The following ATM variants were observed in gnomAD, a reference collection of about 807,000 sequenced individuals.
The protein encoded by ATM is serine-protein kinase ATM.
A neutral mutation model predicts 387.0 loss-of-function variants in ATM; 308 were observed. That is an observed-to-expected ratio of 0.80 (90% confidence interval 0.73 to 0.87). The LOEUF is 0.87. Ranked by LOEUF, ATM falls within the 40% of genes least tolerant of loss-of-function variation. The pLI is 0.00. For missense variants in ATM, 3,312 were observed against 3,560.9 expected (o/e 0.93, Z 1.78); for synonymous variants, 1,156 against 1,187.3 (o/e 0.97, Z 0.54).
intron 46 of ATM, 90 bp from the exon 47 acceptor site, chr11:108,325,968 A>G (rs1251554241): frequency 2.0e-6 from 3 of 1,472,364 alleles, no homozygotes; most frequent in Non-Finnish European, 1.9e-6. Flanking sequence ...TCCTCAATGA[A>G]TGGTAGTTGC....
rs192812066 is a variant in ATM at position 108,333,373 on chromosome 11, T to C, written c.7927+473T>C. Reference sequence around the variant, plus strand: ...AATAATTACAAGCTGCTATATAATCTTTGGTTTTGTGACTAGTCTCTAAGT... The same window carrying C: ...AATAATTACAAGCTGCTATATAATCCTTGGTTTTGTGACTAGTCTCTAAGT... On this transcript the variant is annotated intron_variant, in intron 53 of 62. Coordinates refer to ENST00000675843, the MANE Select transcript of ATM (RefSeq NM_000051.4). Among the ~76,000 whole-genome samples, 9 of 152,314 alleles carry C rather than the reference T, an allele frequency of 5.9e-5. No homozygotes were observed. In the East Asian group the frequency reaches 1.7e-3, roughly 29 times the overall value.
intron 54 of ATM, among the ~76,000 whole-genome samples, chr11:108,334,719 ATTTAC>A (rs746896787): frequency 1.2e-4 from 18 of 152,078 alleles, no homozygotes; most frequent in Non-Finnish European, 2.4e-4. Flanking sequence ...GTTTTCCAAA[ATTTAC>A]TTTATGTTTT....
chr11:108,261,410 G>A (rs1397196074), intron 16 of ATM, among the ~76,000 whole-genome samples: 5 of 152,192 alleles, frequency 3.3e-5, no homozygotes, highest in Admixed American at 1.3e-4. Context: ...CAACAGGCCT[G>A]CAGCTGAGGG....
intron 38 of ATM, chr11:108,309,095 T>C (rs1393638644): frequency 2.3e-6 from 3 of 1,332,704 alleles, no homozygotes; most frequent in Admixed American, 2.0e-5. Flanking sequence ...GAATGGGATA[T>C]AGAAAAACGG....
intron 16 of ATM, among the ~76,000 whole-genome samples, chr11:108,262,151 C>T (rs1374569858): frequency 5.9e-5 from 9 of 152,050 alleles, no homozygotes; most frequent in Non-Finnish European, 8.8e-5. Flanking sequence ...AGATACTCCT[C>T]GAGAAGAGCA....
intron 16 of ATM, among the ~76,000 whole-genome samples, chr11:108,259,594 C>T (rs1284557783): frequency 6.6e-6 from 1 of 152,150 alleles, no homozygotes; most frequent in Non-Finnish European, 1.5e-5. Flanking sequence ...CATAGTAGTG[C>T]CTGCCTTTAG....
At chr11:108,254,303 A>G (rs780143024) in intron 13 of ATM, among the ~76,000 whole-genome samples, 1 of 152,224 alleles carries the variant, frequency 6.6e-6, no homozygotes, top group Non-Finnish European at 1.5e-5. Context: ...GAATAGTAAG[A>G]GTTTGAGCAT....
intron 32 of ATM, among the ~76,000 whole-genome samples, chr11:108,296,735 G>T (rs886821359): frequency 1.3e-5 from 2 of 152,264 alleles, no homozygotes; most frequent in Non-Finnish European, 2.9e-5. Flanking sequence ...TCTGCCTTGT[G>T]CATTACAGCC....
intron 61 of ATM, 106 bp downstream of exon 61, chr11:108,354,980 G>A (rs1163141561): frequency 1.1e-5 from 11 of 971,130 alleles, no homozygotes; most frequent in Non-Finnish European, 1.8e-5. Flanking sequence ...TTTAACATAG[G>A]GGGATGTGGC....
rs1024567059 is a variant in ATM at position 108,368,952 on chromosome 11, AAT to A, written c.*3448_*3449del. 1.0e-5 allele frequency: 2 copies of A among 190,498 alleles called. No individual in the cohort carries two copies. The highest frequency in any genetic ancestry group is 2.2e-5 in the Non-Finnish European group (2 of 90,894). The allele number at this position is 190,498 out of a possible 1,614,324, so 11.8% of individuals were successfully genotyped here. ...AAAGAAAGCCAGTATATTGGTTTGA[AAT>A]ATAGAGATGTGTCCCAATTTCAAGT... On this transcript the variant is annotated 3_prime_UTR_variant, in exon 63 of 63. Coordinates refer to ENST00000675843, the MANE Select transcript of ATM (RefSeq NM_000051.4).
chr11:108,291,304 T>A (rs767650005), intron 29 of ATM, among the ~76,000 whole-genome samples: 2 of 152,262 alleles, frequency 1.3e-5, no homozygotes, highest in African/African-American at 2.4e-5. Context: ...TCTGATCTTT[T>A]CCATTGATTT....
intron 16 of ATM, among the ~76,000 whole-genome samples, chr11:108,261,705 A>C (rs1392954088): frequency 6.6e-6 from 1 of 152,090 alleles, no homozygotes; most frequent in Admixed American, 6.5e-5. Context: ...AGGACATTCA[A>C]ACCAAGGGCA....
chr11:108,314,124 T>G (rs1394273538), intron 40 of ATM, among the ~76,000 whole-genome samples: 4 of 150,910 alleles, frequency 2.7e-5, no homozygotes, highest in Admixed American at 6.6e-5. Context: ...AGTTTTTTTG[T>G]TTTTTTTTCC....
At chr11:108,226,438 C>G (rs2078739574) in intron 1 of ATM, 2 of 152,200 alleles carry the variant, frequency 1.3e-5, no homozygotes, top group Admixed American at 1.3e-4. Flanking sequence ...AAGAGAGCTA[C>G]TCAGTGGAAT....
chr11:108,356,267 G>T (rs1436813644), intron 61 of ATM, among the ~76,000 whole-genome samples: 1 of 152,140 alleles, frequency 6.6e-6, no homozygotes, highest in Non-Finnish European at 1.5e-5. Flanking sequence ...TGGGCGCGGT[G>T]GCTCATGCCT....
chr11:108,366,249 T>G lies in ATM; in HGVS notation c.*741T>G, dbSNP rs904314057. On this transcript the variant is annotated 3_prime_UTR_variant, in exon 63 of 63. Coordinates refer to ENST00000675843, the MANE Select transcript of ATM (RefSeq NM_000051.4). ...ATGTTATCTTTCTGTGATAACTTCATAGATTGCCTTCTAGTTCATGAATTC... is the reference window on the plus strand; with the variant it reads ...ATGTTATCTTTCTGTGATAACTTCAGAGATTGCCTTCTAGTTCATGAATTC... The G allele has an allele frequency of 1.5e-5, 3 of 200,736 alleles. No individual in the cohort carries two copies. Among genetic ancestry groups the G allele is most frequent in the Non-Finnish European group, 3.1e-5 (3 of 97,422 alleles). 12.4% of individuals were successfully genotyped at this position (200,736 alleles called of 1,614,324 possible).
chr11:108,332,095 T>C, intron 52 of ATM, 58 bp downstream of exon 52: 1 of 1,590,704 alleles, frequency 6.3e-7, no homozygotes, highest in East Asian at 2.3e-5. Context: ...TTTCCTAGAA[T>C]ATTTCTTTTT....
chr11:108,327,517 A>G (rs948021306), intron 47 of ATM, 128 bp from the exon 48 acceptor site: 27 of 717,234 alleles, frequency 3.8e-5, no homozygotes, highest in Non-Finnish European at 6.4e-5. Flanking sequence ...GCAGATGAGG[A>G]AAAACTTTTT....
intron 16 of ATM, among the ~76,000 whole-genome samples, chr11:108,266,057 A>G (rs1428628988): frequency 6.6e-6 from 1 of 152,028 alleles, no homozygotes; most frequent in Non-Finnish European, 1.5e-5. Context: ...TAGTTCAACC[A>G]TTGTGGAAGT....
Sources: allele counts gnomAD v4.1 joint callset (sites outside exome capture counted in the v4.1 genomes callset), GRCh38; gene constraint gnomAD v4.1.1; transcripts MANE v1.5; gene names NCBI Gene and HGNC (gene_info 2026-07-23, HGNC 2026-07-21).